MEIOB: variants seen among roughly 807,000 people sequenced by gnomAD.
MEIOB encodes the protein meiosis-specific with OB domain-containing protein.
Under a neutral mutation model 53.1 loss-of-function variants are expected in MEIOB, and 50 were observed. The ratio of observed to expected loss-of-function variants is 0.94; its 90% CI spans 0.75 to 1.19. MEIOB has a LOEUF of 1.19. MEIOB is among the 50% of genes most tolerant of loss of function. MEIOB has a pLI of 0.00. For missense variants in MEIOB, 551 were observed against 550.8 expected (o/e 1.00, Z 0.00); for synonymous variants, 192 against 182.5 (o/e 1.05, Z -0.42).
At chr16:1,869,705 C>T (rs1347919489) in intron 1 of MEIOB, among the ~76,000 whole-genome samples, 1 of 151,818 alleles carries the variant, frequency 6.6e-6, no homozygotes, top group Non-Finnish European at 1.5e-5. Flanking sequence ...CCCACCTCGG[C>T]CTCCCAAAGT....
At chr16:1,835,512 A>T (rs1209838598) in intron 13 of MEIOB, among the ~76,000 whole-genome samples, 1 of 152,210 alleles carries the variant, frequency 6.6e-6, no homozygotes, top group Non-Finnish European at 1.5e-5. Flanking sequence ...AGAGAAAAAA[A>T]AGTACCAACA....
chr16:1,839,517 CT>C, intron 11 of MEIOB, 79 bp from the exon 12 acceptor site: 15 of 1,307,016 alleles, frequency 1.1e-5, no homozygotes, highest in Non-Finnish European at 1.5e-5. Context: ...AGAATTGTCA[CT>C]AAAAACTCTA....
intron 3 of MEIOB, 72 bp from the exon 4 acceptor site, chr16:1,862,188 T>C: frequency 8.0e-7 from 1 of 1,249,978 alleles, no homozygotes; most frequent in Non-Finnish European, 1.1e-6. Context: ...TGATAAGTGT[T>C]ACATGAAAAG....
At chr16:1,854,287 T>G in intron 6 of MEIOB, 87 bp from the exon 7 acceptor site, 1 of 733,112 alleles carries the variant, frequency 1.4e-6, no homozygotes. Context: ...ATGTTCACCT[T>G]TTAAACACCA....
chr16:1,853,724 A>G (rs1366387554), intron 7 of MEIOB, among the ~76,000 whole-genome samples: 1 of 152,176 alleles, frequency 6.6e-6, no homozygotes, highest in Non-Finnish European at 1.5e-5. Flanking sequence ...GCAGTGCTTC[A>G]GGGTGCAGTC....
intron 13 of MEIOB, 26 bp from the exon 14 acceptor site, chr16:1,834,392 C>A: frequency 7.8e-7 from 1 of 1,274,188 alleles, no homozygotes; most frequent in Non-Finnish European, 1.1e-6. Context: ...GAAAAAGAGA[C>A]AAAAGGTTAA....
At chr16:1,852,119 C>G (rs1043735520) in intron 9 of MEIOB, among the ~76,000 whole-genome samples, 1 of 152,140 alleles carries the variant, frequency 6.6e-6, no homozygotes, top group African/African-American at 2.4e-5. Flanking sequence ...TTATCAATGT[C>G]CTAGCAGTAA....
At chr16:1,865,686 G>A in intron 3 of MEIOB, 92 bp downstream of exon 3, 1 of 895,044 alleles carries the variant, frequency 1.1e-6, no homozygotes, top group South Asian at 1.6e-5. Flanking sequence ...GAGTTAAACA[G>A]GCATAGAAAA....
At chr16:1,837,954 C>G in intron 12 of MEIOB, 84 bp from the exon 13 acceptor site, 3 of 1,447,056 alleles carry the variant, frequency 2.1e-6, no homozygotes, top group Non-Finnish European at 2.7e-6. Context: ...AACAAACTTT[C>G]TCATTAGAAA....
chr16:1,852,618 C>T (rs943971144), intron 9 of MEIOB, among the ~76,000 whole-genome samples: 8 of 151,268 alleles, frequency 5.3e-5, no homozygotes, highest in African/African-American at 1.7e-4. Context: ...TACAATGGCG[C>T]GATTTCAGCT....
chr16:1,837,196 CA>C (rs1436016001), intron 13 of MEIOB, among the ~76,000 whole-genome samples: 1 of 148,888 alleles, frequency 6.7e-6, no homozygotes, highest in African/African-American at 2.5e-5. Flanking sequence ...TGCAGGTTAG[CA>C]AATTTAATTA....
At chr16:1,851,683 G>C (rs1899176576) in intron 9 of MEIOB, among the ~76,000 whole-genome samples, 1 of 152,134 alleles carries the variant, frequency 6.6e-6, no homozygotes, top group African/African-American at 2.4e-5. Flanking sequence ...AAAAACCAGA[G>C]TCTCAGTATT....
intron 4 of MEIOB, among the ~76,000 whole-genome samples, 165 bp downstream of exon 4, chr16:1,861,820 C>G (rs1899451479): frequency 6.6e-6 from 1 of 152,154 alleles, no homozygotes; most frequent in East Asian, 1.9e-4. Context: ...CAGGCATGAG[C>G]CACCGTGCCC....
At chr16:1,840,033 A>G (rs796328645) in intron 11 of MEIOB, 8 of 152,312 alleles carry the variant, frequency 5.3e-5, no homozygotes, top group African/African-American at 1.9e-4. Context: ...ATGCTATTCC[A>G]TATTTCTGAA....
chr16:1,842,416 A>G (rs1596966656), intron 10 of MEIOB, among the ~76,000 whole-genome samples: 1 of 150,224 alleles, frequency 6.7e-6, no homozygotes, highest in African/African-American at 2.5e-5. Flanking sequence ...GGAGATCGAG[A>G]GCAGCCTGAC....
In MEIOB at chr16:1,846,733, A is replaced by C. The variant is rs558532237; in HGVS notation, c.779-1770T>G. 5.9e-5 allele frequency among the ~76,000 whole-genome samples: 9 copies of C among 152,274 alleles called. No homozygotes were observed. The East Asian group carries it at 1.5e-3, about 26-fold the overall frequency. ...CCAAATACCATATGTTCTCACTCATAAGTGGGAGCTGAACAATGAGATAAC... is the reference window on the plus strand; with the variant it reads ...CCAAATACCATATGTTCTCACTCATCAGTGGGAGCTGAACAATGAGATAAC... On this transcript the variant is annotated intron_variant, in intron 9 of 13. Coordinates refer to ENST00000325962, the MANE Select transcript of MEIOB (RefSeq NM_001163560.3).
intron 9 of MEIOB, among the ~76,000 whole-genome samples, chr16:1,848,898 C>T (rs953144637): frequency 6.6e-6 from 1 of 152,104 alleles, no homozygotes; most frequent in African/African-American, 2.4e-5. Flanking sequence ...ATTTCGGGTC[C>T]AGGAATATGA....
intron 2 of MEIOB, among the ~76,000 whole-genome samples, chr16:1,866,522 A>G (rs1899596071): frequency 1.3e-5 from 2 of 152,042 alleles, no homozygotes; most frequent in Admixed American, 1.3e-4. Context: ...TGAGTTTGAG[A>G]CCAGTCTGAC....
At chr16:1,840,168 C>G (rs1175691132) in intron 11 of MEIOB, 1 of 152,142 alleles carries the variant, frequency 6.6e-6, no homozygotes, top group Non-Finnish European at 1.5e-5. Context: ...ATTTTAGATG[C>G]TTTTCCTCAG....
Sources: allele counts gnomAD v4.1 joint callset (sites outside exome capture counted in the v4.1 genomes callset), GRCh38; gene constraint gnomAD v4.1.1; transcripts MANE v1.5; gene names NCBI Gene and HGNC (gene_info 2026-07-23, HGNC 2026-07-21).